ARMC9: variants seen among roughly 807,000 people sequenced by gnomAD.
The protein encoded by ARMC9 is lisH domain-containing protein ARMC9.
Under a neutral mutation model 107.0 loss-of-function variants are expected in ARMC9, and 94 were observed. The ratio of observed to expected loss-of-function variants is 0.88; its 90% CI spans 0.74 to 1.04. The LOEUF is 1.04. Ranked by LOEUF, ARMC9 falls within the 50% of genes least tolerant of loss-of-function variation. ARMC9 has a pLI of 0.00. For synonymous variants in ARMC9, 380 were observed against 396.9 expected (o/e 0.96, Z 0.51); for missense variants, 942 against 1,030.1 (o/e 0.91, Z 1.17).
chr2:231,216,576 G>T (rs1284382206), intron 4 of ARMC9, 62 bp from the exon 5 acceptor site: 2 of 1,548,212 alleles, frequency 1.3e-6, no homozygotes, highest in Non-Finnish European at 1.8e-6. Context: ...GAGAGGATGG[G>T]GTGAGCAGAT....
At chr2:231,328,307 C>T (rs931208280) in intron 19 of ARMC9, among the ~76,000 whole-genome samples, 2 of 152,142 alleles carry the variant, frequency 1.3e-5, no homozygotes, top group African/African-American at 4.8e-5. Context: ...TACTAGTCTT[C>T]TGCTGAATAT....
intron 19 of ARMC9, among the ~76,000 whole-genome samples, chr2:231,321,739 G>A (rs148345810): frequency 4.7e-4 from 71 of 152,128 alleles, no homozygotes; most frequent in African/African-American, 1.7e-3. Context: ...CCCTGATTTC[G>A]GTTACCCTCT....
Position 231,208,165 on chromosome 2 carries a change from A to C in ARMC9, c.90A>C (p.Thr30=). ...CTGAATTTGAAGACACCTTGAAAACATTTTCAAAAGAATGCAAAATAAAAG... is the reference window on the plus strand; with the variant it reads ...CTGAATTTGAAGACACCTTGAAAACCTTTTCAAAAGAATGCAAAATAAAAG... The part of the protein sequence containing the change: ...DFAEFEDTLK[T]FSKECKIKGK... The change falls in exon 3 of 25, where the codon ACA becomes ACC. Residue 30 remains threonine (T), a synonymous_variant. Coordinates refer to ENST00000611582, the MANE Select transcript of ARMC9 (RefSeq NM_001352754.2). The C allele has an allele frequency of 1.2e-6, 2 of 1,601,692 alleles. No individual in the cohort carries two copies. Among genetic ancestry groups the C allele is most frequent in the Non-Finnish European group, 1.7e-6 (2 of 1,171,562 alleles).
chr2:231,260,905 C>G (rs1214087951), intron 11 of ARMC9, among the ~76,000 whole-genome samples: 1 of 152,114 alleles, frequency 6.6e-6, no homozygotes, highest in Non-Finnish European at 1.5e-5. Flanking sequence ...CCCTCCAGTG[C>G]CCCCACCCGG....
intron 14 of ARMC9, among the ~76,000 whole-genome samples, chr2:231,275,218 AC>A (rs775473172): frequency 2.7e-4 from 41 of 152,290 alleles, no homozygotes; most frequent in Non-Finnish European, 4.6e-4. Flanking sequence ...CTAATAAGCC[AC>A]CCTGATTGGG....
chr2:231,274,959 A>G (rs1192495032), intron 14 of ARMC9, among the ~76,000 whole-genome samples: 1 of 152,146 alleles, frequency 6.6e-6, no homozygotes, highest in Non-Finnish European at 1.5e-5. Flanking sequence ...ACTTTGCTCC[A>G]TGTTGATCGC....
At chr2:231,354,400 G>A (rs1320524382) in intron 21 of ARMC9, among the ~76,000 whole-genome samples, 1 of 49,018 alleles carries the variant, frequency 2.0e-5, no homozygotes. Flanking sequence ...TTTTTTTTTT[G>A]AGACAGAGTC....
At position 231,355,724 on chromosome 2, in the gene ARMC9, GCTGCAGT is replaced by G. The variant is rs2045314106; in HGVS notation, c.1995-72_1995-66del. On this transcript the variant is annotated intron_variant, in intron 21 of 24. Transcript: ENST00000611582. ...CACCGCCCCCTCCTGTATTTGTGAT[GCTGCAGT>G]CGGCAGTCGGCAGTCCGAATCTCCT... is the stretch of plus-strand genomic sequence containing the variant. The G allele has an allele frequency of 5.6e-6, 8 of 1,440,186 alleles. No homozygotes were observed. In the South Asian group the frequency reaches 1.1e-4, roughly 19 times the overall value. The allele number at this position is 1,440,186 out of a possible 1,614,324, so 89.2% of individuals were successfully genotyped here.
intron 21 of ARMC9, among the ~76,000 whole-genome samples, chr2:231,354,767 G>A (rs2045266898): frequency 6.6e-6 from 1 of 152,216 alleles, no homozygotes; most frequent in Admixed American, 6.5e-5. Context: ...TCCCCACTGA[G>A]CCCTTGTTGG....
chr2:231,324,123 CTT>C (rs71296842), intron 19 of ARMC9, among the ~76,000 whole-genome samples: 48 of 89,256 alleles, frequency 5.4e-4, no homozygotes, highest in Middle Eastern at 9.1e-3. Flanking sequence ...TTGTAAAGTA[CTT>C]TTTTTTTTTT....
Position 231,216,930 on chromosome 2 carries a change from A to G in ARMC9, c.504+137A>G. On this transcript the variant is annotated intron_variant, in intron 5 of 24. Coordinates refer to ENST00000611582, the MANE Select transcript of ARMC9 (RefSeq NM_001352754.2). ...ATTAGTATTATTTTTAGTTATAACCATAATTTGTTTAGTCAGTCTCCTATT... is the reference window on the plus strand; with the variant it reads ...ATTAGTATTATTTTTAGTTATAACCGTAATTTGTTTAGTCAGTCTCCTATT... 7 of 1,139,330 alleles carry G rather than the reference A, an allele frequency of 6.1e-6. No individual in the cohort carries two copies. The South Asian group carries it at 8.6e-5, about 14-fold the overall frequency. 70.6% of individuals were successfully genotyped at this position (1,139,330 alleles called of 1,614,324 possible).
intron 9 of ARMC9, among the ~76,000 whole-genome samples, chr2:231,241,605 G>C (rs1484178409): frequency 1.3e-5 from 2 of 152,052 alleles, no homozygotes; most frequent in African/African-American, 4.8e-5. Flanking sequence ...TTAATAAACA[G>C]AAGCCTTTCT....
At chr2:231,342,375 A>G (rs2044569390) in intron 20 of ARMC9, among the ~76,000 whole-genome samples, 1 of 152,250 alleles carries the variant, frequency 6.6e-6, no homozygotes, top group African/African-American at 2.4e-5. Context: ...GGCAGAGTCT[A>G]AAATATTCTC....
chr2:231,303,947 T>A (rs777971495), intron 19 of ARMC9, among the ~76,000 whole-genome samples: 2 of 147,708 alleles, frequency 1.4e-5, no homozygotes, highest in Non-Finnish European at 3.0e-5. Flanking sequence ...AAAAAATAAT[T>A]ATGGCCAGGC....
chr2:231,224,962 T>A (rs897214833), intron 6 of ARMC9, among the ~76,000 whole-genome samples: 1 of 152,200 alleles, frequency 6.6e-6, no homozygotes, highest in African/African-American at 2.4e-5. Context: ...ATAGACAAAC[T>A]CAGAGACTAG....
intron 19 of ARMC9, among the ~76,000 whole-genome samples, chr2:231,316,110 G>A (rs561596464): frequency 2.6e-5 from 4 of 151,562 alleles, no homozygotes; most frequent in East Asian, 3.9e-4. Flanking sequence ...TTATCAACCC[G>A]GTGCTATAAA....
rs190948681 is a variant in ARMC9, at chr2:231,339,574, T to C, written c.1879-5401T>C. ...GCCTCAGCCTCTCAGAGTGCTGGGA[T>C]AACAGGTGTAAGCCACTGTGCATGA... On this transcript the variant is annotated intron_variant, in intron 20 of 24. Coordinates refer to ENST00000611582, the MANE Select transcript of ARMC9 (RefSeq NM_001352754.2). Among the ~76,000 whole-genome samples, 879 of 152,280 alleles carry C rather than the reference T, an allele frequency of 5.8e-3. 7 individuals are homozygous for C. Among genetic ancestry groups the C allele is most frequent in the African/African-American group, 0.02 (838 of 41,562 alleles).
Position 231,273,088 on chromosome 2 carries a change from G to C in ARMC9, c.1334+10G>C. 1 of 1,610,886 alleles carries C rather than the reference G, an allele frequency of 6.2e-7. No individual in the cohort carries two copies. The highest frequency in any genetic ancestry group is 8.5e-7 in the Non-Finnish European group (1 of 1,178,376). ...AGAAGTTCAGTCTCAGGTAACGACTGTGCAATAGGTCACGGTGTCTCCTGT... is the reference window on the plus strand; with the variant it reads ...AGAAGTTCAGTCTCAGGTAACGACTCTGCAATAGGTCACGGTGTCTCCTGT... On this transcript the variant is annotated intron_variant, in intron 14 of 24. Transcript: ENST00000611582.
chr2:231,309,183 G>C (rs2042198849), intron 19 of ARMC9, among the ~76,000 whole-genome samples: 1 of 152,182 alleles, frequency 6.6e-6, no homozygotes, highest in African/African-American at 2.4e-5. Context: ...CTGACTCATG[G>C]CTCCTGCCCT....
Sources: gnomAD v4.1 joint callset for allele counts (sites outside exome capture counted in the v4.1 genomes callset) on GRCh38, gnomAD v4.1.1 for gene constraint, MANE v1.5 for transcripts, NCBI Gene and HGNC (gene_info 2026-07-23, HGNC 2026-07-21) for gene names.